NTRK3: variants seen among roughly 807,000 people sequenced by gnomAD.
NTRK3 encodes NT-3 growth factor receptor.
A neutral mutation model predicts 91.7 loss-of-function variants in NTRK3; 24 were observed. That is an observed-to-expected ratio of 0.26 (90% CI 0.19 to 0.37). The LOEUF is 0.37. Ranked by LOEUF, NTRK3 falls within the 10% of genes least tolerant of loss-of-function variation. NTRK3 has a pLI of 1.00. For missense variants in NTRK3, 880 were observed against 1,068.9 expected (o/e 0.82, Z 2.46); for synonymous variants, 483 against 404.0 (o/e 1.20, Z -2.34).
At chr15:88,180,681 TA>T (rs3045935) in intron 5 of NTRK3, among the ~76,000 whole-genome samples, 1,699 of 107,786 alleles carry the variant, frequency 0.016, 12 homozygotes, top group Non-Finnish European at 0.022. Flanking sequence ...GCCATTACCC[TA>T]AAAAAAAAAA....
intron 13 of NTRK3, among the ~76,000 whole-genome samples, chr15:88,123,987 A>T (rs1447185871): frequency 6.6e-6 from 1 of 152,168 alleles, no homozygotes; most frequent in Admixed American, 6.5e-5. Context: ...TCATGGTCTG[A>T]ACTAGTTTTT....
chr15:87,913,260 C>T (rs140236124), intron 17 of NTRK3, among the ~76,000 whole-genome samples: 17 of 152,066 alleles, frequency 1.1e-4, no homozygotes, highest in Non-Finnish European at 1.5e-4. Flanking sequence ...AAAGCAGATC[C>T]GCCTGGCAAA....
chr15:88,189,504 G>C (rs1567614226), intron 3 of NTRK3, among the ~76,000 whole-genome samples: 2 of 151,538 alleles, frequency 1.3e-5, no homozygotes, highest in Non-Finnish European at 1.5e-5. Flanking sequence ...CCTCTGCAGT[G>C]GGGTGCAATG....
At chr15:88,031,501 G>T (rs2078531187) in intron 14 of NTRK3, among the ~76,000 whole-genome samples, 1 of 152,188 alleles carries the variant, frequency 6.6e-6, no homozygotes, top group South Asian at 2.1e-4. Flanking sequence ...TTTGTTCTGT[G>T]CTTCCCATGG....
chr15:88,154,455 G>A (rs886225232), intron 5 of NTRK3, among the ~76,000 whole-genome samples: 10 of 152,214 alleles, frequency 6.6e-5, no homozygotes, highest in Non-Finnish European at 1.3e-4. Flanking sequence ...CTTCTTGAAG[G>A]CCAAGAAATA....
intron 13 of NTRK3, among the ~76,000 whole-genome samples, chr15:88,085,085 CAA>C (rs1466257089): frequency 6.6e-6 from 1 of 152,180 alleles, no homozygotes; most frequent in Non-Finnish European, 1.5e-5. Flanking sequence ...TAGCCAATGT[CAA>C]ATAAAACAGA....
intron 14 of NTRK3, among the ~76,000 whole-genome samples, chr15:87,959,270 C>T (rs922118091): frequency 1.3e-5 from 2 of 152,234 alleles, no homozygotes; most frequent in African/African-American, 2.4e-5. Context: ...CTCCTTGCGT[C>T]TCCATCAGTG....
chr15:88,095,628 A>G lies in NTRK3; in HGVS notation c.1396+30643T>C, dbSNP rs2049506109. ...AAAAATATAATAAATTAACCAGAGC[A>G]AGAAAACCAGTTGAATCCAAATAAA... is the stretch of plus-strand genomic sequence containing the variant. On this transcript the variant is annotated intron_variant, in intron 13 of 18. Coordinates refer to ENST00000394480, the Ensembl canonical transcript of NTRK3. Among the ~76,000 whole-genome samples the G allele has an allele frequency of 2.0e-5, 3 of 152,252 alleles. No homozygotes were observed. The South Asian group carries it at 6.2e-4, about 31-fold the overall frequency.
At chr15:88,120,848 C>T (rs917491179) in intron 13 of NTRK3, among the ~76,000 whole-genome samples, 5 of 152,230 alleles carry the variant, frequency 3.3e-5, no homozygotes, top group South Asian at 2.1e-4. Flanking sequence ...AGAAGGCTCT[C>T]GCTAGCTGTG....
At chr15:88,088,254 G>A (rs1416893155) in intron 13 of NTRK3, among the ~76,000 whole-genome samples, 1 of 152,308 alleles carries the variant, frequency 6.6e-6, no homozygotes, top group East Asian at 1.9e-4. Context: ...GCAAGACTGA[G>A]TGGAGCTGGC....
intron 3 of NTRK3, among the ~76,000 whole-genome samples, chr15:88,222,177 G>A (rs774853916): frequency 2.0e-4 from 30 of 152,186 alleles, no homozygotes; most frequent in Admixed American, 3.9e-4. Context: ...TCTGTGACAC[G>A]GGCATAGGAA....
chr15:88,211,021 G>A (rs1272850364), intron 3 of NTRK3, among the ~76,000 whole-genome samples: 1 of 151,988 alleles, frequency 6.6e-6, no homozygotes, highest in African/African-American at 2.4e-5. Context: ...TGTTTTAATT[G>A]AGGGCAAATT....
rs189801108 is a variant in NTRK3 at position 88,025,979 on chromosome 15, C to A, written c.1585+6878G>T. On this transcript the variant is annotated intron_variant, in intron 14 of 18. Transcript: ENST00000394480. ...CTCAAAAAGAAATAAAATAAAATAA[C>A]TGAGCTATCAGGCCAGGCACGGTGG... Among the ~76,000 whole-genome samples the A allele has an allele frequency of 2.2e-4, 33 of 152,038 alleles. 1 individual carries two copies. The East Asian group carries it at 6.2e-3, about 29-fold the overall frequency.
At chr15:88,222,069 G>A (rs2141591884) in intron 3 of NTRK3, among the ~76,000 whole-genome samples, 1 of 152,318 alleles carries the variant, frequency 6.6e-6, no homozygotes, top group African/African-American at 2.4e-5. Flanking sequence ...CAAAGCATGA[G>A]CTAGAAAGCA....
chr15:87,883,874 T>C (rs1297645555), intron 17 of NTRK3, among the ~76,000 whole-genome samples: 1 of 150,972 alleles, frequency 6.6e-6, no homozygotes, highest in Non-Finnish European at 1.5e-5. Context: ...AAAGTCCTAT[T>C]TCTTGAAATC....
rs2053376750 is a variant in NTRK3, at chr15:88,127,148, A to G, written c.1293+14T>C. Reference sequence around the variant, plus strand: ...GCCAGTCAACACACTCCTCTTGACCAAGAAGTGACTCACCCCAAAAGTGTC... The same window carrying G: ...GCCAGTCAACACACTCCTCTTGACCGAGAAGTGACTCACCCCAAAAGTGTC... On this transcript the variant is annotated intron_variant, in intron 12 of 18. Transcript: ENST00000394480. 3.1e-6 allele frequency: 5 copies of G among 1,611,948 alleles called. No homozygotes were observed. Among genetic ancestry groups the G allele is most frequent in the Non-Finnish European group, 4.2e-6 (5 of 1,178,420 alleles).
chr15:87,885,786 G>T (rs1352548517), intron 17 of NTRK3, 51 bp from the exon 18 acceptor site: 2 of 840,748 alleles, frequency 2.4e-6, no homozygotes, highest in African/African-American at 1.8e-5. Flanking sequence ...ACTTAGAAAA[G>T]TATTCTTTAT....
intron 6 of NTRK3, among the ~76,000 whole-genome samples, chr15:88,138,266 C>G (rs918477808): frequency 6.6e-6 from 1 of 151,700 alleles, no homozygotes; most frequent in Non-Finnish European, 1.5e-5. Context: ...AAAAATTAGC[C>G]GGGCGTGGTG....
At chr15:88,097,822 G>C (rs2150832469) in intron 13 of NTRK3, among the ~76,000 whole-genome samples, 1 of 152,296 alleles carries the variant, frequency 6.6e-6, no homozygotes, top group African/African-American at 2.4e-5. Flanking sequence ...ATGTAACAAG[G>C]ACTAGAAGGA....
Sources: allele counts gnomAD v4.1 joint callset (sites outside exome capture counted in the v4.1 genomes callset), GRCh38; gene constraint gnomAD v4.1.1; transcripts MANE v1.5; gene names NCBI Gene and HGNC (gene_info 2026-07-23, HGNC 2026-07-21).